Variants in TM9SF2 observed in about 807,000 individuals in gnomAD.
TM9SF2 encodes transmembrane 9 superfamily member 2.
A neutral mutation model predicts 84.9 loss-of-function variants in TM9SF2; 13 were observed. That is an observed-to-expected ratio of 0.15 (90% CI 0.10 to 0.24). The LOEUF (loss-of-function observed/expected upper bound fraction) is 0.24, where lower values mean the gene tolerates loss of function less well. TM9SF2 is among the 10% of genes least tolerant of loss of function. The pLI, the probability that TM9SF2 is intolerant of heterozygous loss-of-function variation, is 1.00. For synonymous variants in TM9SF2, 273 were observed against 285.8 expected (o/e 0.96, Z 0.45); for missense variants, 562 against 818.5 (o/e 0.69, Z 3.82).
At chr13:99,527,259 C>T (rs150554501) in intron 3 of TM9SF2, among the ~76,000 whole-genome samples, 6 of 152,154 alleles carry the variant, frequency 3.9e-5, no homozygotes, top group East Asian at 3.9e-4. Context: ...GGTAGTAGTC[C>T]GTTCTGACGC....
chr13:99,531,434 C>G (rs1381684316), intron 4 of TM9SF2, among the ~76,000 whole-genome samples: 2 of 152,160 alleles, frequency 1.3e-5, no homozygotes, highest in Non-Finnish European at 2.9e-5. Flanking sequence ...CAGCTGAGAC[C>G]TGACCAGATC....
chr13:99,550,653 A>C (rs1319335733), intron 12 of TM9SF2, among the ~76,000 whole-genome samples: 1 of 152,228 alleles, frequency 6.6e-6, no homozygotes, highest in East Asian at 1.9e-4. Context: ...TAGGAATAGA[A>C]GGATCATTTA....
At chr13:99,537,689 C>T in intron 5 of TM9SF2, 50 bp from the exon 6 acceptor site, 3 of 1,477,060 alleles carry the variant, frequency 2.0e-6, no homozygotes, top group Non-Finnish European at 2.7e-6. Context: ...TAAGTTTTGA[C>T]TCTTATGTAG....
chr13:99,520,574 T>C (rs549605849), intron 3 of TM9SF2, among the ~76,000 whole-genome samples: 11 of 152,242 alleles, frequency 7.2e-5, no homozygotes, highest in African/African-American at 2.4e-4. Flanking sequence ...AGCTAATCTT[T>C]CTTTTTTTTT....
intron 4 of TM9SF2, among the ~76,000 whole-genome samples, chr13:99,531,073 CT>C (rs1184122474): frequency 1.3e-5 from 2 of 152,036 alleles, no homozygotes; most frequent in African/African-American, 4.8e-5. Context: ...GTTGGCCAGG[CT>C]GGTCTCGAAC....
intron 15 of TM9SF2, among the ~76,000 whole-genome samples, chr13:99,558,181 A>G (rs1040099854): frequency 6.6e-6 from 1 of 152,240 alleles, no homozygotes; most frequent in Non-Finnish European, 1.5e-5. Context: ...AGTGGTCTAT[A>G]TGCTGCCCTT....
At chr13:99,553,953 C>A (rs1032663640) in intron 13 of TM9SF2, among the ~76,000 whole-genome samples, 28 of 152,204 alleles carry the variant, frequency 1.8e-4, no homozygotes, top group South Asian at 2.1e-4. Context: ...TGATTTCTTA[C>A]AGTACATGTG....
At chr13:99,508,973 A>G (rs1430864981) in intron 1 of TM9SF2, among the ~76,000 whole-genome samples, 1 of 152,180 alleles carries the variant, frequency 6.6e-6, no homozygotes, top group Non-Finnish European at 1.5e-5. Context: ...ATGCCTTCCT[A>G]ATAGTCTCCC....
chr13:99,546,932 A>G (rs968274785), intron 10 of TM9SF2, 53 bp from the exon 11 acceptor site: 1 of 1,603,808 alleles, frequency 6.2e-7, no homozygotes, highest in Non-Finnish European at 8.5e-7. Context: ...ATCATTTCAC[A>G]GCAAAGGAAA....
chr13:99,521,231 A>T (rs1298214149), intron 3 of TM9SF2, among the ~76,000 whole-genome samples: 3 of 152,164 alleles, frequency 2.0e-5, no homozygotes, highest in African/African-American at 4.8e-5. Context: ...TTTCCTGAAA[A>T]TTTTCATACA....
intron 4 of TM9SF2, among the ~76,000 whole-genome samples, chr13:99,530,773 A>G (rs1282979233): frequency 6.6e-6 from 1 of 152,200 alleles, no homozygotes; most frequent in African/African-American, 2.4e-5. Flanking sequence ...ATTCTGTACC[A>G]GTTTGTATCA....
intron 14 of TM9SF2, among the ~76,000 whole-genome samples, chr13:99,554,817 T>C (rs2046319423): frequency 1.3e-5 from 2 of 152,214 alleles, no homozygotes; most frequent in African/African-American, 4.8e-5. Context: ...CACCGAAGTT[T>C]CTCCAAACCT....
At position 99,563,071 on chromosome 13, in the gene TM9SF2, G is replaced by A. The variant is rs2062013726; in HGVS notation, c.*313G>A. 4.8e-6 allele frequency: 1 copy of A among 209,558 alleles called. No individual in the cohort carries two copies. Among genetic ancestry groups the A allele is most frequent in the African/African-American group, 2.3e-5 (1 of 43,326 alleles). The allele number at this position is 209,558 out of a possible 1,614,324, so 13.0% of individuals were successfully genotyped here. A position where few individuals can be genotyped will look rare whatever the true frequency, so the allele number is the denominator to read the frequency against. ...TCCATACTTCTAATGGCAGAATAGA[G>A]GAGGCCATATTAAATAATACTGATG... On this transcript the variant is annotated 3_prime_UTR_variant, in exon 17 of 17. Coordinates refer to ENST00000376387, the MANE Select transcript of TM9SF2 (RefSeq NM_004800.3).
At position 99,520,141 on chromosome 13, in the gene TM9SF2, G is replaced by A. The variant is rs981996867; in HGVS notation, c.333+12G>A. 6.3e-7 allele frequency: 1 copy of A among 1,587,558 alleles called. No homozygotes were observed. Among genetic ancestry groups the A allele is most frequent in the African/African-American group, 1.4e-5 (1 of 73,712 alleles). Reference sequence around the variant, plus strand: ...CTTCACCATATAAGGTTTGTATTTAGTGTTACATAATAATTATTTACTTAC... The same window carrying A: ...CTTCACCATATAAGGTTTGTATTTAATGTTACATAATAATTATTTACTTAC... On this transcript the variant is annotated intron_variant, in intron 3 of 16. Transcript: ENST00000376387.
chr13:99,559,292 T>G, intron 15 of TM9SF2, 71 bp from the exon 16 acceptor site: 2 of 1,351,424 alleles, frequency 1.5e-6, no homozygotes, highest in South Asian at 3.2e-5. Context: ...ATGCTTGCTT[T>G]GAACCTTAGT....
At chr13:99,522,375 A>G (rs2046164634) in intron 3 of TM9SF2, among the ~76,000 whole-genome samples, 1 of 152,182 alleles carries the variant, frequency 6.6e-6, no homozygotes, top group South Asian at 2.1e-4. Context: ...AGTAACTTTT[A>G]AAGTTTCCTA....
intron 16 of TM9SF2, among the ~76,000 whole-genome samples, chr13:99,560,128 T>G (rs2046338185): frequency 6.6e-6 from 1 of 152,216 alleles, no homozygotes; most frequent in Non-Finnish European, 1.5e-5. Context: ...TGGTAAACAT[T>G]TGTCGCGTGA....
intron 2 of TM9SF2, chr13:99,519,509 A>G (rs1305850511): frequency 6.5e-6 from 1 of 152,780 alleles, no homozygotes; most frequent in Non-Finnish European, 1.5e-5. Context: ...ATTACAACAC[A>G]GGGAATCTTA....
intron 1 of TM9SF2, 123 bp downstream of exon 1, chr13:99,501,900 C>T (rs1448583108): frequency 8.0e-6 from 11 of 1,368,204 alleles, no homozygotes; most frequent in Non-Finnish European, 9.8e-6. Context: ...GGTTGAGTTT[C>T]CCCAGAAGCT....
Sources: allele counts gnomAD v4.1 joint callset (sites outside exome capture counted in the v4.1 genomes callset), GRCh38; gene constraint gnomAD v4.1.1; transcripts MANE v1.5; gene names NCBI Gene and HGNC (gene_info 2026-07-23, HGNC 2026-07-21).